The following TMEM74 variants were observed in gnomAD, a reference collection of about 807,000 sequenced individuals.
The protein encoded by TMEM74 is transmembrane protein 74.
A neutral mutation model predicts 18.1 loss-of-function variants in TMEM74; 13 were observed. The ratio of observed to expected loss-of-function variants is 0.72; its 90% confidence interval spans 0.47 to 1.14. The LOEUF is 1.14. Among genes scored for constraint, TMEM74 ranks in the 50% most tolerant of loss-of-function variants. The probability of loss-of-function intolerance (pLI) is 0.00; values close to 1 mark genes in which losing one functional copy is unlikely to be tolerated. For missense variants in TMEM74, 372 were observed against 375.9 expected (o/e 0.99, Z 0.09); for synonymous variants, 159 against 146.6 (o/e 1.08, Z -0.61).
intron 1 of TMEM74, among the ~76,000 whole-genome samples, chr8:108,714,436 C>T (rs954446107): frequency 1.3e-5 from 2 of 152,104 alleles, no homozygotes; most frequent in Admixed American, 1.3e-4. Context: ...TATAGATACC[C>T]TCTGGCACAA....
intron 2 of TMEM74, among the ~76,000 whole-genome samples, chr8:108,637,435 A>G (rs1465456225): frequency 6.6e-6 from 1 of 152,118 alleles, no homozygotes; most frequent in Admixed American, 6.6e-5. Context: ...GAAGTGATGA[A>G]GTATCTTGAG....
chr8:108,681,297 T>C (rs1302039950), intron 1 of TMEM74, among the ~76,000 whole-genome samples: 1 of 152,154 alleles, frequency 6.6e-6, no homozygotes, highest in Admixed American at 6.6e-5. Context: ...CAAAACAGCA[T>C]GGTACTGGTA....
intron 1 of TMEM74, among the ~76,000 whole-genome samples, chr8:108,723,984 T>C (rs11985859): frequency 0.42 from 63,616 of 152,022 alleles, 16,027 homozygotes; most frequent in African/African-American, 0.7. Context: ...TTTGGTTAAA[T>C]TTCTTTAACA....
At chr8:108,678,411 G>A (rs1586257441) in intron 1 of TMEM74, among the ~76,000 whole-genome samples, 2 of 152,086 alleles carry the variant, frequency 1.3e-5, no homozygotes, top group South Asian at 4.2e-4. Context: ...GTCACCCAGG[G>A]TGGAGTGCAG....
At chr8:108,631,310 A>G (rs538707544) in intron 2 of TMEM74, among the ~76,000 whole-genome samples, 1 of 152,108 alleles carries the variant, frequency 6.6e-6, no homozygotes, top group East Asian at 1.9e-4. Flanking sequence ...GTGAAGGAAC[A>G]CAGCCTCCAA....
At chr8:108,727,597 A>G (rs1164798457) in intron 1 of TMEM74, among the ~76,000 whole-genome samples, 5 of 152,182 alleles carry the variant, frequency 3.3e-5, no homozygotes, top group Admixed American at 2.6e-4. Context: ...TGTTTTTGCT[A>G]TCTTTCATAG....
intron 2 of TMEM74, among the ~76,000 whole-genome samples, chr8:108,641,245 A>G (rs1430718970): frequency 1.3e-5 from 2 of 152,174 alleles, no homozygotes; most frequent in African/African-American, 4.8e-5. Context: ...AAACCAACAT[A>G]TTGTGTTTTC....
chr8:108,620,386 C>T (rs1812427635), intron 2 of TMEM74, among the ~76,000 whole-genome samples: 2 of 152,098 alleles, frequency 1.3e-5, no homozygotes, highest in African/African-American at 2.4e-5. Flanking sequence ...TTGCCCATGG[C>T]TATTTCTCCG....
At chr8:108,642,618 T>G (rs3019401) in intron 2 of TMEM74, among the ~76,000 whole-genome samples, 33,299 of 152,020 alleles carry the variant, frequency 0.22, 3,675 homozygotes, top group East Asian at 0.28. Flanking sequence ...AATTAACTAC[T>G]GAGATGAATA....
At chr8:108,656,812 A>G (rs1468437931) in intron 1 of TMEM74, among the ~76,000 whole-genome samples, 1 of 152,218 alleles carries the variant, frequency 6.6e-6, no homozygotes, top group African/African-American at 2.4e-5. Flanking sequence ...AACGTGCAAA[A>G]GAAATTCTGC....
intron 1 of TMEM74, among the ~76,000 whole-genome samples, chr8:108,680,452 G>A (rs1406684672): frequency 6.6e-6 from 1 of 152,178 alleles, no homozygotes; most frequent in Non-Finnish European, 1.5e-5. Context: ...AAAGGCCTTT[G>A]ACAAAATTCA....
chr8:108,668,471 A>G (rs1027092490), intron 1 of TMEM74, among the ~76,000 whole-genome samples: 2 of 152,188 alleles, frequency 1.3e-5, no homozygotes, highest in African/African-American at 4.8e-5. Flanking sequence ...CACAACAGCA[A>G]CAATAGCACC....
chr8:108,672,348 CAA>C (rs1244652076), intron 1 of TMEM74, among the ~76,000 whole-genome samples: 2 of 152,146 alleles, frequency 1.3e-5, no homozygotes, highest in African/African-American at 2.4e-5. Context: ...TGAAGCTGCA[CAA>C]AAATTTACTC....
chr8:108,734,899 T>A (rs2130641888), intron 1 of TMEM74, among the ~76,000 whole-genome samples: 1 of 152,292 alleles, frequency 6.6e-6, no homozygotes, highest in East Asian at 1.9e-4. Flanking sequence ...TATTTTAAAA[T>A]TTTAAAAAAG....
rs941273554 is a variant in TMEM74, at chr8:108,718,108, G to A, written n.120-62671C>T. On this transcript the variant is annotated intron_variant and non_coding_transcript_variant, in intron 1 of 3. Coordinates refer to the TMEM74 transcript ENST00000518838. ...CGAGTAGCTGGGACTACAGGCGCCC[G>A]CCACTACGCCCGGCTAATTTTTTGT... 1.8e-4 allele frequency among the ~76,000 whole-genome samples: 20 copies of A among 110,698 alleles called. 5 individuals carry two copies. Among genetic ancestry groups the A allele is most frequent in the Middle Eastern group, 4.1e-3 (1 of 244 alleles). The allele number at this position is 110,698 out of a possible 152,430, so 72.6% of individuals were successfully genotyped here.
intron 1 of TMEM74, among the ~76,000 whole-genome samples, chr8:108,690,937 C>T (rs1404271800): frequency 6.6e-6 from 1 of 152,164 alleles, no homozygotes; most frequent in African/African-American, 2.4e-5. Context: ...ATAGCAGGAG[C>T]TCACAAAGTT....
chr8:108,676,769 C>T (rs1813060040), intron 1 of TMEM74, among the ~76,000 whole-genome samples: 1 of 152,146 alleles, frequency 6.6e-6, no homozygotes, highest in South Asian at 2.1e-4. Flanking sequence ...ATCTCACCTG[C>T]AACAATGCCT....
chr8:108,678,360 A>T (rs1813075331), intron 1 of TMEM74, among the ~76,000 whole-genome samples: 1 of 151,904 alleles, frequency 6.6e-6, no homozygotes, highest in Non-Finnish European at 1.5e-5. Flanking sequence ...CGCTGCCATT[A>T]TTATTATTTA....
intron 1 of TMEM74, among the ~76,000 whole-genome samples, chr8:108,720,502 T>C (rs927048217): frequency 1.2e-4 from 18 of 152,210 alleles, no homozygotes; most frequent in African/African-American, 4.1e-4. Flanking sequence ...TTATGCTTTA[T>C]GAATAATTGA....
Sources: allele counts gnomAD v4.1 joint callset (sites outside exome capture counted in the v4.1 genomes callset), GRCh38; gene constraint gnomAD v4.1.1; transcripts MANE v1.5; gene names NCBI Gene and HGNC (gene_info 2026-07-23, HGNC 2026-07-21).